Variants in MAP7 observed in about 807,000 individuals in gnomAD.
MAP7 encodes the protein microtubule associated protein 7.
Under a neutral mutation model 94.8 loss-of-function variants are expected in MAP7, and 52 were observed. The observed-to-expected ratio is 0.55, with a 90% CI of 0.44 to 0.69. The LOEUF (loss-of-function observed/expected upper bound fraction) is 0.69. Among genes scored for constraint, MAP7 ranks in the 30% least tolerant of loss-of-function variants. The pLI is 0.00. For synonymous variants in MAP7, 350 were observed against 357.0 expected, an observed-to-expected ratio of 0.98 and a Z score of 0.22; for missense variants, 940 against 964.6, an observed-to-expected ratio of 0.97 and a Z score of 0.34.
chr6:136,534,597 T>C (rs1828731842), intron 1 of MAP7, among the ~76,000 whole-genome samples: 1 of 152,226 alleles, frequency 6.6e-6, no homozygotes, highest in East Asian at 1.9e-4. Context: ...TATGTATCAA[T>C]GATCATAATC....
At chr6:136,431,681 C>T (rs1217802243) in intron 1 of MAP7, among the ~76,000 whole-genome samples, 2 of 152,026 alleles carry the variant, frequency 1.3e-5, no homozygotes, top group Non-Finnish European at 2.9e-5. Context: ...CCATGCCTGG[C>T]TAATTTTTGA....
chr6:136,458,418 A>G (rs1804066374), intron 1 of MAP7, among the ~76,000 whole-genome samples: 1 of 152,182 alleles, frequency 6.6e-6, no homozygotes. Context: ...CAGAAATAGG[A>G]AAAACAGTCC....
intron 1 of MAP7, among the ~76,000 whole-genome samples, chr6:136,460,557 A>G (rs1453919624): frequency 7.9e-5 from 12 of 152,174 alleles, no homozygotes; most frequent in Non-Finnish European, 1.0e-4. Context: ...ATAGAAAGCA[A>G]AAGGAAACAA....
At chr6:136,492,540 A>C (rs1816939802) in intron 1 of MAP7, among the ~76,000 whole-genome samples, 1 of 152,226 alleles carries the variant, frequency 6.6e-6, no homozygotes. Context: ...GTTTGGGAAA[A>C]AGCAGTTACA....
At chr6:136,408,405 A>G (rs888196215) in intron 3 of MAP7, among the ~76,000 whole-genome samples, 7 of 152,206 alleles carry the variant, frequency 4.6e-5, no homozygotes, top group Non-Finnish European at 8.8e-5. Context: ...TAACCCACAG[A>G]AAGTTATTAA....
intron 10 of MAP7, chr6:136,364,558 AGT>A (rs577305769): frequency 2.9e-4 from 67 of 232,712 alleles, no homozygotes; most frequent in African/African-American, 1.6e-3. Context: ...TTTCTCCTTG[AGT>A]GTGAGTTCCA....
intron 1 of MAP7, among the ~76,000 whole-genome samples, chr6:136,462,350 G>A (rs996202522): frequency 6.6e-6 from 1 of 152,040 alleles, no homozygotes; most frequent in African/African-American, 2.4e-5. Context: ...GCATTTTTAG[G>A]TTGTGTGACA....
chr6:136,407,592 A>T (rs1349183002), intron 3 of MAP7, among the ~76,000 whole-genome samples: 8 of 152,170 alleles, frequency 5.3e-5, no homozygotes, highest in Non-Finnish European at 1.0e-4. Context: ...TTTCTGACTA[A>T]ATGGATTCAG....
chr6:136,386,658 T>G (rs1266355062), intron 5 of MAP7, among the ~76,000 whole-genome samples: 1 of 152,184 alleles, frequency 6.6e-6, no homozygotes, highest in Non-Finnish European at 1.5e-5. Context: ...AAATCTCATA[T>G]GTAAATGATC....
intron 3 of MAP7, among the ~76,000 whole-genome samples, chr6:136,390,639 G>A (rs890421528): frequency 5.9e-5 from 9 of 152,152 alleles, no homozygotes; most frequent in Non-Finnish European, 1.2e-4. Context: ...GGACGACAGA[G>A]TGAGACTCTG....
chr6:136,401,781 TAA>T (rs879807922), intron 3 of MAP7, among the ~76,000 whole-genome samples: 18 of 137,144 alleles, frequency 1.3e-4, no homozygotes, highest in African/African-American at 4.3e-4. Context: ...AAAGTATAAT[TAA>T]AAAAAAAAAA....
intron 1 of MAP7, among the ~76,000 whole-genome samples, chr6:136,520,797 G>A (rs1160354311): frequency 6.6e-6 from 1 of 152,182 alleles, no homozygotes; most frequent in Non-Finnish European, 1.5e-5. Context: ...AGCATGAGTA[G>A]GACACAGAGG....
At chr6:136,447,550 A>C (rs896921767) in intron 1 of MAP7, among the ~76,000 whole-genome samples, 1 of 152,218 alleles carries the variant, frequency 6.6e-6, no homozygotes, top group Non-Finnish European at 1.5e-5. Flanking sequence ...TTTTTTAAAA[A>C]CTTAAACAGG....
chr6:136,547,164 C>T (rs1282781968), intron 1 of MAP7, among the ~76,000 whole-genome samples: 2 of 152,122 alleles, frequency 1.3e-5, no homozygotes, highest in African/African-American at 4.8e-5. Context: ...TGGAAAAGTT[C>T]ATGAAAGGAT....
intron 3 of MAP7, among the ~76,000 whole-genome samples, chr6:136,398,127 C>T (rs1401115986): frequency 6.6e-6 from 1 of 152,130 alleles, no homozygotes; most frequent in Non-Finnish European, 1.5e-5. Flanking sequence ...TGTAGAAATA[C>T]ACAGTGATGC....
rs115350318 is a variant in MAP7, at chr6:136,416,415, A to G, written c.167-4718T>C. Among the ~76,000 whole-genome samples, 846 of 152,304 alleles carry G rather than the reference A, an allele frequency of 5.6e-3. 4 individuals carry two copies. The highest frequency in any genetic ancestry group is 0.02 in the African/African-American group (815 of 41,562). On this transcript the variant is annotated intron_variant, in intron 2 of 17. Coordinates refer to ENST00000354570, the MANE Select transcript of MAP7 (RefSeq NM_003980.6). Reference sequence around the variant, plus strand: ...AAATACAATTAAATAATTCCAGTAAATAGTGAATTTCCTATAATTCATTGC... The same window carrying G: ...AAATACAATTAAATAATTCCAGTAAGTAGTGAATTTCCTATAATTCATTGC...
At chr6:136,426,575 T>C (rs1236799449) in intron 1 of MAP7, among the ~76,000 whole-genome samples, 3 of 152,318 alleles carry the variant, frequency 2.0e-5, no homozygotes, top group Non-Finnish European at 2.9e-5. Context: ...CAGCAGTCCC[T>C]GGGCAAAGAG....
chr6:136,462,954 CAAAAAA>C (rs5880296), intron 1 of MAP7, among the ~76,000 whole-genome samples: 1 of 124,944 alleles, frequency 8.0e-6, no homozygotes, highest in Non-Finnish European at 1.6e-5. Context: ...GATCCTATCT[CAAAAAA>C]AAAAAAAAAA....
At chr6:136,360,611 C>T (rs188786584) in intron 13 of MAP7, 86 bp downstream of exon 13, 8 of 1,104,360 alleles carry the variant, frequency 7.2e-6, no homozygotes, top group Admixed American at 3.7e-5. Flanking sequence ...AAGGGTAGAA[C>T]ACGCGTTTTC....
Sources: gnomAD v4.1 joint callset for allele counts (sites outside exome capture counted in the v4.1 genomes callset) on GRCh38, gnomAD v4.1.1 for gene constraint, MANE v1.5 for transcripts, NCBI Gene and HGNC (gene_info 2026-07-23, HGNC 2026-07-21) for gene names.